The following FUT5 variants were observed in gnomAD, a reference collection of about 807,000 sequenced individuals.
FUT5 encodes the protein fucosyltransferase 5.
Under a neutral mutation model 0.8 loss-of-function variants are expected in FUT5, and 1 was observed. That is an observed-to-expected ratio of 1.26 (90% confidence interval 0.45 to 5.99). The LOEUF is 5.99. FUT5 is among the 30% of genes most tolerant of loss of function. FUT5 has a pLI of 0.15. For missense variants in FUT5, 437 were observed against 517.8 expected (o/e 0.84, Z 1.51); for synonymous variants, 212 against 225.7 (o/e 0.94, Z 0.54).
Position 5,866,931 on chromosome 19 carries a change from G to A in FUT5, c.795C>T (p.His265=), listed in dbSNP as rs1297091187. 2.5e-6 allele frequency: 4 copies of A among 1,613,196 alleles called. No individual in the cohort carries two copies. The highest frequency in any genetic ancestry group is 3.4e-6 in the Non-Finnish European group (4 of 1,179,730). ...ACAGCTTCTCGGTGATGTAGTCGGG[G>A]TGCAAGGAGTTCTCGAAGGCCAGAT... ...KFYLAFENSL[H]PDYITEKLWR... Residue 265 remains histidine, a synonymous_variant, in exon 2 of 2, where the codon CAC becomes CAT. Transcript: ENST00000588525. The surrounding 1 kb of genome is among the most constrained non-coding windows in gnomAD (Gnocchi z 4.9).
Position 5,867,343 on chromosome 19 carries a change from T to G in FUT5, c.383A>C (p.Tyr128Ser), listed in dbSNP as rs2057508379. Residue 128 changes from tyrosine (Y) to serine (S), a missense_variant, in exon 2 of 2, where the codon TAC becomes TCC. Physicochemically the swap from Tyr to Ser is moderately radical, Grantham distance 144. Transcript: ENST00000588525. The surrounding 1 kb of genome is among the most constrained non-coding windows in gnomAD (Gnocchi z 5.0). ...AVIVHHWDIM[Y>S]NPSANLPPPT... ...GGGCGGGAGGTTGGCACTGGGGTTG[T>G]ACATGATATCCCAGTGGTGCACGAT... is the stretch of plus-strand genomic sequence containing the variant. 11 of 1,613,876 alleles carry G rather than the reference T, an allele frequency of 6.8e-6. 1 individual carries two copies. Among genetic ancestry groups the G allele is most frequent in the South Asian group, 3.3e-5 (3 of 91,078 alleles).
chr19:5,869,122 C>T (rs1264569493), intron 1 of FUT5, among the ~76,000 whole-genome samples: 2 of 152,028 alleles, frequency 1.3e-5, no homozygotes, highest in African/African-American at 4.8e-5. Flanking sequence ...GCTGGGACTA[C>T]AGGTGCCCGC....
chr19:5,866,946 G>A lies in FUT5; in HGVS notation c.780C>T (p.Phe260=), dbSNP rs761157042. The A allele has an allele frequency of 3.7e-5, 60 of 1,613,396 alleles. No homozygotes were observed. Among genetic ancestry groups the A allele is most frequent in the South Asian group, 9.9e-5 (9 of 91,040 alleles). ...TLSRYKFYLA[F]ENSLHPDYIT... Reference sequence around the variant, plus strand: ...TGTAGTCGGGGTGCAAGGAGTTCTCGAAGGCCAGATAGAACTTGTACCGGG... The same window carrying A: ...TGTAGTCGGGGTGCAAGGAGTTCTCAAAGGCCAGATAGAACTTGTACCGGG... Residue 260 remains phenylalanine (F), a synonymous_variant, in exon 2 of 2, where the codon TTC becomes TTT. Transcript: ENST00000588525. The surrounding 1 kb of genome is among the most constrained non-coding windows in gnomAD (Gnocchi z 4.9).
At chr19:5,868,343 G>C (rs1447103700) in intron 1 of FUT5, among the ~76,000 whole-genome samples, 1 of 152,028 alleles carries the variant, frequency 6.6e-6, no homozygotes, top group Non-Finnish European at 1.5e-5. Context: ...GAACTGGAGG[G>C]AGCCCAGGGC....
At chr19:5,870,298 A>C (rs556574173) in intron 1 of FUT5, among the ~76,000 whole-genome samples, 167 bp downstream of exon 1, 1 of 152,280 alleles carries the variant, frequency 6.6e-6, no homozygotes. Context: ...GATACTTATC[A>C]CATCACCAGC....
Position 5,866,418 on chromosome 19 carries a change from T to G in FUT5, c.*183A>C. ...GAAGCCCGGCAAGTGAAATCCCAGG[T>G]AAGTCACATGCCTGGCCACCAAAGA... On this transcript the variant is annotated 3_prime_UTR_variant, in exon 2 of 2. Transcript: ENST00000588525. This position sits in a 1 kb window ranked among gnomAD's most constrained non-coding sequence, Gnocchi z 4.9. 1.1e-6 allele frequency: 1 copy of G among 947,978 alleles called. No individual in the cohort carries two copies. Among genetic ancestry groups the G allele is most frequent in the Non-Finnish European group, 1.6e-6 (1 of 622,650 alleles). 58.7% of individuals were successfully genotyped at this position (947,978 alleles called of 1,614,324 possible).
At position 5,866,968 on chromosome 19, in the gene FUT5, C is replaced by G; in HGVS notation, c.758G>C (p.Arg253Pro). 6.2e-7 allele frequency: 1 copy of G among 1,613,552 alleles called. No homozygotes were observed. The highest frequency in any genetic ancestry group is 2.2e-5 in the East Asian group (1 of 44,854). The change falls in exon 2 of 2, where the codon CGG becomes CCG. Residue 253 changes from arginine (R) to proline (P), a missense_variant. By Grantham distance (103) the Arg-to-Pro change is moderately radical. Coordinates refer to ENST00000588525, the MANE Select transcript of FUT5 (RefSeq NM_002034.2). This position sits in a 1 kb window ranked among gnomAD's most constrained non-coding sequence, Gnocchi z 4.9. Reference sequence around the variant, plus strand: ...CTCGAAGGCCAGATAGAACTTGTACCGGGACAGCGTCTCCATCATGGTCCC... The same window carrying G: ...CTCGAAGGCCAGATAGAACTTGTACGGGGACAGCGTCTCCATCATGGTCCC... ...PKGTMMETLS[R>P]YKFYLAFENS...
intron 1 of FUT5, among the ~76,000 whole-genome samples, chr19:5,868,805 ACT>A (rs974162764): frequency 3.3e-5 from 5 of 152,040 alleles, no homozygotes; most frequent in African/African-American, 4.8e-5. Flanking sequence ...ACAGAATGAG[ACT>A]CTGTCTCAAA....
rs776214188 is a variant in FUT5, at chr19:5,867,334, C to T, written c.392G>A (p.Ser131Asn). The T allele has an allele frequency of 6.2e-7, 1 of 1,613,708 alleles. No individual in the cohort carries two copies. The highest frequency in any genetic ancestry group is 8.5e-7 in the Non-Finnish European group (1 of 1,180,038). The change falls in exon 2 of 2, where the codon AGT (serine) becomes AAT (asparagine). Residue 131 changes from serine to asparagine, a missense_variant. This residue lies in a region of FUT5 where 261 missense variants were observed against 242.6 expected (regional missense o/e 1.08). Transcript: ENST00000588525. The surrounding 1 kb of genome is among the most constrained non-coding windows in gnomAD (Gnocchi z 5.0). ...VHHWDIMYNP[S>N]ANLPPPTRPQ... is the part of the protein sequence containing the mutation. ...CCTGGTGGGGGGCGGGAGGTTGGCA[C>T]TGGGGTTGTACATGATATCCCAGTG...
At position 5,866,631 on chromosome 19, in the gene FUT5, C is replaced by T. The variant is rs542830434; in HGVS notation, c.1095G>A (p.Thr365=). The T allele has an allele frequency of 1.5e-4, 235 of 1,613,234 alleles. 2 individuals are homozygous for T. The highest frequency in any genetic ancestry group is 1.4e-3 in the South Asian group (128 of 91,064). The part of the protein sequence containing the change: ...WKLQQESRYQ[T]VRSIAAWFT The stretch of plus-strand genomic sequence containing the variant: ...TGAACCAAGCCGCTATGCTGCGCAC[C>T]GTCTGGTACCTAGATTCCTGCTGCA... Residue 365 remains threonine (T), a synonymous_variant, in exon 2 of 2, where the codon ACG becomes ACA. Coordinates refer to ENST00000588525, the MANE Select transcript of FUT5 (RefSeq NM_002034.2). The surrounding 1 kb of genome is among the most constrained non-coding windows in gnomAD (Gnocchi z 4.9).
Position 5,867,566 on chromosome 19 carries a change from G to A in FUT5, c.160C>T (p.Pro54Ser), listed in dbSNP as rs767284783. The change falls in exon 2 of 2, where the codon CCT (proline) becomes TCT (serine). Residue 54 changes from proline to serine, a missense_variant. Coordinates refer to ENST00000588525, the MANE Select transcript of FUT5 (RefSeq NM_002034.2). This position sits in a 1 kb window ranked among gnomAD's most constrained non-coding sequence, Gnocchi z 5.0. ...GACCCATTGGGAGCCCCGGTGACAG[G>A]TTCCACTGCCATAAGCCCTGGCCTA... ...SPRPGLMAVEPVTGAPNGSRC... is the reference protein window; with the variant it reads ...SPRPGLMAVESVTGAPNGSRC... 1.2e-6 allele frequency: 2 copies of A among 1,613,530 alleles called. No homozygotes were observed. The highest frequency in any genetic ancestry group is 1.7e-5 in the Admixed American group (1 of 60,018).
rs149784295 is a variant in FUT5, at chr19:5,867,372, C to G, written c.354G>C (p.Ala118=). ...ADSSVYPQAD[A]VIVHHWDIMY... Reference sequence around the variant, plus strand: ...TGATATCCCAGTGGTGCACGATGACCGCGTCTGCCTGTGGGTACACACTGG... The same window carrying G: ...TGATATCCCAGTGGTGCACGATGACGGCGTCTGCCTGTGGGTACACACTGG... Residue 118 remains alanine, a synonymous_variant, in exon 2 of 2, where the codon GCG becomes GCC. Transcript: ENST00000588525. The surrounding 1 kb of genome is among the most constrained non-coding windows in gnomAD (Gnocchi z 5.0). 1 of 1,613,904 alleles carries G rather than the reference C, an allele frequency of 6.2e-7. No individual in the cohort carries two copies. The highest frequency in any genetic ancestry group is 8.5e-7 in the Non-Finnish European group (1 of 1,180,018).
chr19:5,867,879 A>G lies in FUT5; in HGVS notation c.-12-142T>C, dbSNP rs1278940318. 1 of 891,578 alleles carries G rather than the reference A, an allele frequency of 1.1e-6. No individual in the cohort carries two copies. Among genetic ancestry groups the G allele is most frequent in the Non-Finnish European group, 1.8e-6 (1 of 564,024 alleles). The allele number at this position is 891,578 out of a possible 1,614,324, so 55.2% of individuals were successfully genotyped here. ...TACCCCTGAGTTGAGGATTGAATTT[A>G]TAACTCTGACAGGGAAGGGTACGAT... On this transcript the variant is annotated intron_variant, in intron 1 of 1. Transcript: ENST00000588525. The surrounding 1 kb of genome is among the most constrained non-coding windows in gnomAD (Gnocchi z 5.0).
In FUT5 at chr19:5,866,410, A is replaced by T; in HGVS notation, c.*191T>A. 1.1e-6 allele frequency: 1 copy of T among 907,376 alleles called. No individual in the cohort carries two copies. Among genetic ancestry groups the T allele is most frequent in the Non-Finnish European group, 1.7e-6 (1 of 591,280 alleles). 56.2% of individuals were successfully genotyped at this position (907,376 alleles called of 1,614,324 possible). A position where few individuals can be genotyped will look rare whatever the true frequency, so the allele number is the denominator to read the frequency against. On this transcript the variant is annotated 3_prime_UTR_variant, in exon 2 of 2. Coordinates refer to ENST00000588525, the MANE Select transcript of FUT5 (RefSeq NM_002034.2). The surrounding 1 kb of genome is among the most constrained non-coding windows in gnomAD (Gnocchi z 4.9). ...CTGGCAGTGAAGCCCGGCAAGTGAAATCCCAGGTAAGTCACATGCCTGGCC... is the reference window on the plus strand; with the variant it reads ...CTGGCAGTGAAGCCCGGCAAGTGAATTCCCAGGTAAGTCACATGCCTGGCC...
chr19:5,869,980 T>C (rs2057517540), intron 1 of FUT5, among the ~76,000 whole-genome samples: 1 of 145,860 alleles, frequency 6.9e-6, no homozygotes, highest in Non-Finnish European at 1.5e-5. Context: ...GAGGCAGAAT[T>C]GCTTGAACCC....
rs147900234 is a variant in FUT5 at position 5,866,777 on chromosome 19, G to C, written c.949C>G (p.Arg317Gly). The C allele has an allele frequency of 2.0e-5, 32 of 1,600,014 alleles. No individual in the cohort carries two copies. In the East Asian group the frequency reaches 2.0e-4, roughly 10 times the overall value. ...DDFQSPKDLA[R>G]YLQELDKDHA... ...TCCTTGTCCAGCTCCTGCAGGTACC[G>C]GGCCAGGTCCTTGGGGCTCTGGAAG... Residue 317 changes from arginine to glycine, a missense_variant, in exon 2 of 2, where the codon CGG becomes GGG. Arg to Gly is a moderately radical substitution (Grantham distance 125). Coordinates refer to ENST00000588525, the MANE Select transcript of FUT5 (RefSeq NM_002034.2). The surrounding 1 kb of genome is among the most constrained non-coding windows in gnomAD (Gnocchi z 4.9).
At chr19:5,869,055 C>T (rs1320191338) in intron 1 of FUT5, among the ~76,000 whole-genome samples, 1 of 151,470 alleles carries the variant, frequency 6.6e-6, no homozygotes, top group African/African-American at 2.4e-5. Context: ...GATCTCGGCT[C>T]ACTGCAAGCT....
rs909381424 is a variant in FUT5, at chr19:5,867,271, G to A, written c.455C>T (p.Ser152Phe). ...GQRWIWFSME[S>F]PSNCRHLEAL... is the part of the protein sequence containing the mutation. ...TTCCAGGTGCCGGCAGTTGCTGGGG[G>A]ACTCCATGCTGAACCAGATCCAGCG... Residue 152 changes from serine (S) to phenylalanine (F), a missense_variant, in exon 2 of 2, where the codon TCC (serine) becomes TTC (phenylalanine). Transcript: ENST00000588525. The surrounding 1 kb of genome is among the most constrained non-coding windows in gnomAD (Gnocchi z 5.0). 4 of 1,613,324 alleles carry A rather than the reference G, an allele frequency of 2.5e-6. No homozygotes were observed. Among genetic ancestry groups the A allele is most frequent in the South Asian group, 1.1e-5 (1 of 91,086 alleles).
chr19:5,870,234 G>A lies in FUT5; in HGVS notation c.-13+231C>T, dbSNP rs1599681369. 2.0e-5 allele frequency among the ~76,000 whole-genome samples: 3 copies of A among 152,000 alleles called. No individual in the cohort carries two copies. In the East Asian group the frequency reaches 5.8e-4, roughly 29 times the overall value. ...GTGCCTGGCCTATTGCTGGGAAATT[G>A]TAAATTACATTCGGGGTAGAAAACA... On this transcript the variant is annotated intron_variant, in intron 1 of 1. Transcript: ENST00000588525.
Sources: gnomAD v4.1 joint callset for allele counts (sites outside exome capture counted in the v4.1 genomes callset) on GRCh38, gnomAD v4.1.1 for gene constraint, gnomAD v4.1.1 regional missense constraint, Gnocchi (gnomAD v3.1) non-coding constraint, MANE v1.5 for transcripts, NCBI Gene and HGNC (gene_info 2026-07-23, HGNC 2026-07-21) for gene names.